STX18: variants seen among roughly 807,000 people sequenced by gnomAD.
STX18 encodes syntaxin-18.
STX18 carries 40 observed loss-of-function variants against 50.1 expected under a neutral mutation model. The ratio of observed to expected loss-of-function variants is 0.80; its 90% confidence interval spans 0.62 to 1.04. STX18 has a LOEUF of 1.04. Ranked by LOEUF, STX18 falls within the 50% of genes least tolerant of loss-of-function variation. The pLI is 0.00. For missense variants in STX18, 410 were observed against 415.8 expected (o/e 0.99, Z 0.12); for synonymous variants, 158 against 151.8 (o/e 1.04, Z -0.30).
chr4:4,421,752 T>C (rs1724978320), intron 9 of STX18, among the ~76,000 whole-genome samples: 1 of 152,222 alleles, frequency 6.6e-6, no homozygotes, highest in Non-Finnish European at 1.5e-5. Flanking sequence ...GAAATACATA[T>C]GCTAGCTTCA....
intron 1 of STX18, among the ~76,000 whole-genome samples, chr4:4,509,235 C>A (rs1215329035): frequency 6.6e-6 from 1 of 152,078 alleles, no homozygotes; most frequent in East Asian, 1.9e-4. Context: ...TGTTTTTTGG[C>A]TTTTTAGTAA....
chr4:4,503,040 C>T (rs897801793), intron 1 of STX18, among the ~76,000 whole-genome samples: 6 of 152,110 alleles, frequency 3.9e-5, no homozygotes, highest in African/African-American at 1.4e-4. Flanking sequence ...GTCAAGGGCT[C>T]CCAATTTTTT....
At chr4:4,535,816 T>G (rs1474925211) in intron 1 of STX18, among the ~76,000 whole-genome samples, 1 of 152,210 alleles carries the variant, frequency 6.6e-6, no homozygotes, top group Non-Finnish European at 1.5e-5. Flanking sequence ...CTGTACCTGT[T>G]GCATGATACT....
At chr4:4,523,060 T>C (rs1227207559) in intron 1 of STX18, among the ~76,000 whole-genome samples, 1 of 152,204 alleles carries the variant, frequency 6.6e-6, no homozygotes. Context: ...ACTACTTTAT[T>C]CCCATTACAT....
At chr4:4,459,062 G>GCA (rs60704649) in intron 3 of STX18, among the ~76,000 whole-genome samples, 6,710 of 144,306 alleles carry the variant, frequency 0.046, 160 homozygotes, top group African/African-American at 0.053. Context: ...ACACACACAC[G>GCA]CACACACACA....
At chr4:4,447,895 C>T (rs1726515141) in intron 5 of STX18, among the ~76,000 whole-genome samples, 4 of 152,170 alleles carry the variant, frequency 2.6e-5, no homozygotes, top group Admixed American at 6.5e-5. Context: ...AAGAAAACTG[C>T]TGAACCAACC....
chr4:4,464,341 G>A (rs1033616096), intron 2 of STX18, among the ~76,000 whole-genome samples: 2 of 152,152 alleles, frequency 1.3e-5, no homozygotes, highest in Admixed American at 1.3e-4. Flanking sequence ...TGCTTATAAT[G>A]TTTTTTTCTC....
At chr4:4,520,198 C>T (rs1230930594) in intron 1 of STX18, among the ~76,000 whole-genome samples, 1 of 152,152 alleles carries the variant, frequency 6.6e-6, no homozygotes, top group African/African-American at 2.4e-5. Flanking sequence ...TTGCTCATAA[C>T]GAATTATGCT....
chr4:4,530,604 AAAAG>A (rs1731047570), intron 1 of STX18, among the ~76,000 whole-genome samples: 2 of 152,096 alleles, frequency 1.3e-5, no homozygotes, highest in Non-Finnish European at 2.9e-5. Flanking sequence ...AAAAGAAAAG[AAAAG>A]AAACACTGCT....
At chr4:4,469,549 A>G (rs1389087050) in intron 2 of STX18, among the ~76,000 whole-genome samples, 1 of 151,998 alleles carries the variant, frequency 6.6e-6, no homozygotes, top group Non-Finnish European at 1.5e-5. Flanking sequence ...AAGCGGTGTG[A>G]GGGATGAGAT....
chr4:4,533,195 G>C (rs1731179058), intron 1 of STX18, among the ~76,000 whole-genome samples: 1 of 152,150 alleles, frequency 6.6e-6, no homozygotes, highest in Admixed American at 6.5e-5. Flanking sequence ...CTTTCTTTTA[G>C]AGGAGTTTTG....
At chr4:4,469,661 C>T (rs926856218) in intron 2 of STX18, among the ~76,000 whole-genome samples, 1 of 151,690 alleles carries the variant, frequency 6.6e-6, no homozygotes, top group African/African-American at 2.4e-5. Context: ...ACCTGAGAGG[C>T]GGTGTGAGTG....
intron 1 of STX18, chr4:4,507,191 A>C: frequency 1.7e-6 from 1 of 587,682 alleles, no homozygotes; most frequent in Admixed American, 2.1e-5. Flanking sequence ...CTTGATGCTC[A>C]GCAGCAGCTC....
chr4:4,537,441 G>A lies in STX18; in HGVS notation c.168+4356C>T, dbSNP rs181907034. Among the ~76,000 whole-genome samples, 4 of 152,242 alleles carry A rather than the reference G, an allele frequency of 2.6e-5. No individual in the cohort carries two copies. The East Asian group carries it at 7.7e-4, about 29-fold the overall frequency. The stretch of plus-strand genomic sequence containing the variant: ...CCAAGCCACCTATTAACCACAGATT[G>A]AGGTGGACATAGACCTGACCAATTA... On this transcript the variant is annotated intron_variant, in intron 1 of 10. Transcript: ENST00000306200.
At chr4:4,453,769 C>T (rs898156864) in intron 5 of STX18, 12 of 641,768 alleles carry the variant, frequency 1.9e-5, no homozygotes, top group Non-Finnish European at 2.3e-5. Flanking sequence ...GCACAGGTAC[C>T]GTGGACCCCC....
At chr4:4,501,392 C>A (rs1413201555) in intron 1 of STX18, among the ~76,000 whole-genome samples, 1 of 152,160 alleles carries the variant, frequency 6.6e-6, no homozygotes, top group Admixed American at 6.5e-5. Context: ...CTCTCACTGT[C>A]GGTCAGAATG....
intron 1 of STX18, among the ~76,000 whole-genome samples, chr4:4,531,605 C>A (rs6835796): frequency 0.03 from 4,630 of 152,250 alleles, 250 homozygotes; most frequent in African/African-American, 0.11. Context: ...GGCCTTGTTA[C>A]GCTGGTTTCC....
intron 1 of STX18, among the ~76,000 whole-genome samples, chr4:4,538,207 T>C (rs562661938): frequency 4.6e-5 from 7 of 152,162 alleles, no homozygotes; most frequent in Non-Finnish European, 1.0e-4. Context: ...TCAAGCCTAA[T>C]AACAGGTAAC....
chr4:4,439,140 C>T, intron 5 of STX18, among the ~76,000 whole-genome samples: 1 of 107,084 alleles, frequency 9.3e-6, no homozygotes, highest in South Asian at 3.3e-4. Context: ...AATATATATA[C>T]CACATATATA....
Sources: allele counts gnomAD v4.1 joint callset (sites outside exome capture counted in the v4.1 genomes callset), GRCh38; gene constraint gnomAD v4.1.1; transcripts MANE v1.5; gene names NCBI Gene and HGNC (gene_info 2026-07-23, HGNC 2026-07-21).